The following TDRD1 variants were observed in gnomAD, a reference collection of about 807,000 sequenced individuals.
TDRD1 encodes tudor domain-containing protein 1.
In TDRD1, 37 loss-of-function variants were observed where a neutral mutation model predicts 140.6. The ratio of observed to expected loss-of-function variants is 0.26; its 90% CI spans 0.20 to 0.35. The LOEUF (loss-of-function observed/expected upper bound fraction) is 0.35, where lower values mean the gene tolerates loss of function less well. TDRD1 is among the 10% of genes least tolerant of loss of function. The pLI, the probability that TDRD1 is intolerant of heterozygous loss-of-function variation, is 1.00. For synonymous variants in TDRD1, 506 were observed against 475.7 expected (o/e 1.06, Z -0.83); for missense variants, 1,243 against 1,393.0 (o/e 0.89, Z 1.71).
At chr10:114,226,569 G>A (rs11196658) in intron 22 of TDRD1, among the ~76,000 whole-genome samples, 12 of 152,216 alleles carry the variant, frequency 7.9e-5, no homozygotes, top group African/African-American at 2.4e-4. Context: ...TTTCTGCTTC[G>A]TCACATCTCT....
chr10:114,176,228 G>C (rs554498175), upstream of TDRD1, among the ~76,000 whole-genome samples: 7 of 151,036 alleles, frequency 4.6e-5, no homozygotes, highest in South Asian at 1.5e-3. The surrounding 1 kb of genome is among the most constrained non-coding windows in gnomAD (Gnocchi z 4.2). Flanking sequence ...TGCTACAATA[G>C]AGAAGCACAA....
intron 14 of TDRD1, among the ~76,000 whole-genome samples, chr10:114,212,725 C>G (rs1348602886): frequency 6.6e-6 from 1 of 152,112 alleles, no homozygotes; most frequent in Non-Finnish European, 1.5e-5. Context: ...TATAAGGGAC[C>G]AGTACTTCTT....
chr10:114,185,878 C>T (rs1167175122), intron 1 of TDRD1, among the ~76,000 whole-genome samples: 1 of 152,288 alleles, frequency 6.6e-6, no homozygotes, highest in Non-Finnish European at 1.5e-5. Context: ...CATGAGCCAC[C>T]GTGCCTGGCC....
At chr10:114,203,649 G>T in intron 8 of TDRD1, 82 bp downstream of exon 8, 6 of 1,244,776 alleles carry the variant, frequency 4.8e-6, no homozygotes, top group Non-Finnish European at 6.7e-6. Flanking sequence ...TTTTAATGAT[G>T]CATGACAAGG....
At chr10:114,218,554 C>T (rs200591610) in exon 18 of TDRD1, 1 of 1,609,534 alleles carries the variant, frequency 6.2e-7, no homozygotes, top group African/African-American at 1.3e-5. Flanking sequence ...TTTAAACCTT[C>T]CCTTTCAGGG....
At chr10:114,223,109 C>A (rs533676656) in intron 21 of TDRD1, among the ~76,000 whole-genome samples, 1 of 152,306 alleles carries the variant, frequency 6.6e-6, no homozygotes, top group African/African-American at 2.4e-5. Context: ...GATCCTTCTC[C>A]GTTTTAATGT....
intron 9 of TDRD1, 33 bp from the exon 10 acceptor site, chr10:114,204,689 A>G: frequency 6.4e-7 from 1 of 1,567,144 alleles, no homozygotes; most frequent in Non-Finnish European, 8.6e-7. Context: ...TTAAATGGTA[A>G]TTTTTGTAAG....
At chr10:114,216,156 G>A (rs144692955) in intron 16 of TDRD1, among the ~76,000 whole-genome samples, 20 of 152,250 alleles carry the variant, frequency 1.3e-4, no homozygotes, top group Admixed American at 5.9e-4. Context: ...CACATTTGTC[G>A]CAACAAAGAG....
intron 3 of TDRD1, among the ~76,000 whole-genome samples, chr10:114,197,569 C>A (rs1461378482): frequency 6.7e-6 from 1 of 149,122 alleles, no homozygotes; most frequent in African/African-American, 2.5e-5. Context: ...TTTTTTTTTC[C>A]GGCATTTGTT....
intron 3 of TDRD1, among the ~76,000 whole-genome samples, chr10:114,191,475 AC>A (rs2033962483): frequency 1.3e-5 from 2 of 152,236 alleles, no homozygotes; most frequent in South Asian, 4.1e-4. Flanking sequence ...AAGGCTACAT[AC>A]AAACAGTACG....
chr10:114,231,828 C>T (rs532386142), exon 26 of TDRD1: 236 of 267,544 alleles, frequency 8.8e-4, no homozygotes, highest in South Asian at 2.1e-3. Context: ...CAGTGGCTCA[C>T]GCCCAGCACT....
intron 21 of TDRD1, among the ~76,000 whole-genome samples, chr10:114,223,138 G>A (rs187465875): frequency 3.9e-5 from 6 of 152,292 alleles, no homozygotes; most frequent in East Asian, 1.9e-4. Flanking sequence ...AACAAATTTC[G>A]TATGCTAATA....
intron 11 of TDRD1, among the ~76,000 whole-genome samples, chr10:114,209,759 A>G (rs1254579239): frequency 6.6e-6 from 1 of 152,214 alleles, no homozygotes; most frequent in Non-Finnish European, 1.5e-5. Flanking sequence ...GTTCATGGTG[A>G]GAACCATTTC....
chr10:114,196,833 CTTTTTTTTTTTTTTTTT>C (rs36124319), intron 3 of TDRD1, among the ~76,000 whole-genome samples: 80 of 48,352 alleles, frequency 1.7e-3, no homozygotes, highest in South Asian at 6.1e-3. Flanking sequence ...TTCTAGCAGT[CTTTTTTTTTTTTTTTTT>C]TTTTTTTTTT....
chr10:114,181,754 A>C (rs980903769), intron 1 of TDRD1, among the ~76,000 whole-genome samples: 2 of 151,682 alleles, frequency 1.3e-5, no homozygotes, highest in African/African-American at 4.9e-5. Context: ...CTGGGGCAGG[A>C]GAATTGTTTG....
intron 16 of TDRD1, among the ~76,000 whole-genome samples, chr10:114,214,868 G>A (rs900099604): frequency 6.6e-6 from 1 of 151,892 alleles, no homozygotes; most frequent in African/African-American, 2.4e-5. Context: ...CTCCTGAGTA[G>A]CTGGGACTAT....
chr10:114,231,379 T>C (rs997552737), intron 25 of TDRD1: 1 of 949,160 alleles, frequency 1.1e-6, no homozygotes, highest in Non-Finnish European at 1.6e-6. Context: ...AAATGCGTAA[T>C]TTCAGTTAAA....
chr10:114,177,493 G>C (rs2032719834), upstream of TDRD1, among the ~76,000 whole-genome samples: 1 of 152,064 alleles, frequency 6.6e-6, no homozygotes, highest in Admixed American at 6.6e-5. Flanking sequence ...AATTCCAAAA[G>C]TAGGGCATCC....
At chr10:114,201,609 G>A (rs369780735) in intron 5 of TDRD1, 94 bp downstream of exon 5, 46 of 980,692 alleles carry the variant, frequency 4.7e-5, no homozygotes, top group East Asian at 9.9e-5. Context: ...CAACCAAGTA[G>A]AAGTTACTTT....
Sources: gnomAD v4.1 joint callset for allele counts (sites outside exome capture counted in the v4.1 genomes callset) on GRCh38, gnomAD v4.1.1 for gene constraint, Gnocchi (gnomAD v3.1) non-coding constraint, MANE v1.5 for transcripts, NCBI Gene and HGNC (gene_info 2026-07-23, HGNC 2026-07-21) for gene names.